Variants in RAB30 observed in about 807,000 individuals in gnomAD.
RAB30 encodes the protein ras-related protein Rab-30.
RAB30 carries 9 observed loss-of-function variants against 25.1 expected under a neutral mutation model. That is an observed-to-expected ratio of 0.36 (90% confidence interval 0.22 to 0.63). The LOEUF is 0.63. RAB30 is among the 20% of genes least tolerant of loss of function. The pLI, the probability that RAB30 is intolerant of heterozygous loss-of-function variation, is 0.69. For missense variants in RAB30, 140 were observed against 243.5 expected (o/e 0.58, Z 2.83); for synonymous variants, 77 against 86.4 (o/e 0.89, Z 0.60).
intron 1 of RAB30, among the ~76,000 whole-genome samples, chr11:83,022,164 G>T (rs1432419997): frequency 6.6e-6 from 1 of 151,576 alleles, no homozygotes; most frequent in East Asian, 2.0e-4. Context: ...GGGTGAAGGG[G>T]TGGGAGAGAT....
intron 2 of RAB30, 132 bp downstream of exon 2, chr11:82,997,092 G>A: frequency 1.4e-6 from 1 of 719,748 alleles, no homozygotes; most frequent in Middle Eastern, 2.9e-4. Flanking sequence ...CTTTCAAAGG[G>A]TGCATCAGGA....
intron 1 of RAB30, among the ~76,000 whole-genome samples, chr11:83,048,829 TCACC>T (rs1858289712): frequency 6.6e-6 from 1 of 152,188 alleles, no homozygotes; most frequent in African/African-American, 2.4e-5. Context: ...CCAAACAGCC[TCACC>T]CACCGTCTCT....
intron 1 of RAB30, among the ~76,000 whole-genome samples, chr11:83,036,111 A>G (rs1354293834): frequency 6.6e-6 from 1 of 152,144 alleles, no homozygotes; most frequent in Non-Finnish European, 1.5e-5. Context: ...AAAGCCCAGA[A>G]AGATAGCATA....
chr11:83,014,629 T>G (rs1417905526), intron 1 of RAB30, among the ~76,000 whole-genome samples: 2 of 37,468 alleles, frequency 5.3e-5, no homozygotes, highest in African/African-American at 1.1e-4. Context: ...AAGAAAGAAG[T>G]AAGAAAAAGA....
chr11:83,045,439 A>G (rs1282997892), intron 1 of RAB30, among the ~76,000 whole-genome samples: 1 of 152,142 alleles, frequency 6.6e-6, no homozygotes, highest in Non-Finnish European at 1.5e-5. Context: ...CTCTGTAAAC[A>G]TTTATTGAAC....
chr11:83,009,308 C>T (rs190142612), intron 1 of RAB30, among the ~76,000 whole-genome samples: 9 of 152,260 alleles, frequency 5.9e-5, no homozygotes, highest in South Asian at 2.1e-4. Flanking sequence ...TCAGGCAATC[C>T]GCCCGCCTCG....
At chr11:82,985,546 T>C (rs1856724128) in intron 4 of RAB30, among the ~76,000 whole-genome samples, 1 of 152,040 alleles carries the variant, frequency 6.6e-6, no homozygotes, top group Non-Finnish European at 1.5e-5. Context: ...GGAGGTGATA[T>C]CAAATGACAC....
chr11:83,009,991 TC>T (rs1857270519), intron 1 of RAB30, among the ~76,000 whole-genome samples: 1 of 152,214 alleles, frequency 6.6e-6, no homozygotes, highest in African/African-American at 2.4e-5. Flanking sequence ...GGTCTTGAAC[TC>T]CTGCCCTCAA....
intron 1 of RAB30, among the ~76,000 whole-genome samples, chr11:83,022,207 G>A (rs1183379299): frequency 1.3e-5 from 2 of 152,108 alleles, no homozygotes; most frequent in Non-Finnish European, 1.5e-5. Flanking sequence ...TGCTCAGGCT[G>A]GAATCCAGTA....
chr11:83,018,760 T>C (rs1857497671), intron 1 of RAB30, among the ~76,000 whole-genome samples: 1 of 152,234 alleles, frequency 6.6e-6, no homozygotes, highest in African/African-American at 2.4e-5. Context: ...CTATGAACTC[T>C]TTGCCTAAGC....
chr11:83,013,462 C>G (rs1393506087), intron 1 of RAB30, among the ~76,000 whole-genome samples: 1 of 152,158 alleles, frequency 6.6e-6, no homozygotes, highest in Non-Finnish European at 1.5e-5. Flanking sequence ...CCTGCAAATT[C>G]CTATCTGTAT....
At chr11:83,038,879 G>C (rs151125615) in intron 1 of RAB30, 1 of 151,050 alleles carries the variant, frequency 6.6e-6, no homozygotes, top group African/African-American at 2.4e-5. Flanking sequence ...TATTACTACA[G>C]ATCCATAACT....
rs189041437 is a variant in RAB30, at chr11:82,988,630, A to G, written c.178-860T>C. On this transcript the variant is annotated intron_variant, in intron 3 of 4. Coordinates refer to ENST00000527633, the MANE Select transcript of RAB30 (RefSeq NM_001286060.2). The stretch of plus-strand genomic sequence containing the variant: ...CAGTTCTAAGTCCTAATAACTAATA[A>G]TTCTAATAACAAAGAAGAAGACAAT... 9.4e-4 allele frequency among the ~76,000 whole-genome samples: 143 copies of G among 152,330 alleles called. 1 individual carries two copies. The highest frequency in any genetic ancestry group is 3.3e-3 in the African/African-American group (137 of 41,564).
intron 1 of RAB30, among the ~76,000 whole-genome samples, chr11:83,026,186 G>A (rs576586577): frequency 1.3e-3 from 192 of 151,894 alleles, no homozygotes; most frequent in Non-Finnish European, 3.2e-4. Flanking sequence ...GCAAGACCCT[G>A]TCTCAAAAAA....
intron 1 of RAB30, among the ~76,000 whole-genome samples, chr11:83,032,657 T>C (rs1262037725): frequency 6.6e-6 from 1 of 152,216 alleles, no homozygotes; most frequent in Non-Finnish European, 1.5e-5. Flanking sequence ...CTTTAAACTG[T>C]AAATATGTAT....
intron 1 of RAB30, among the ~76,000 whole-genome samples, chr11:83,063,591 C>A (rs1340099423): frequency 6.6e-6 from 1 of 152,160 alleles, no homozygotes; most frequent in Non-Finnish European, 1.5e-5. Flanking sequence ...CAAAAACCAG[C>A]AGGAACTCCG....
At chr11:83,016,013 C>A (rs1857428518) in intron 1 of RAB30, among the ~76,000 whole-genome samples, 1 of 151,124 alleles carries the variant, frequency 6.6e-6, no homozygotes, top group African/African-American at 2.5e-5. Flanking sequence ...TGGCACGTAT[C>A]TGTAGTCCCA....
intron 1 of RAB30, among the ~76,000 whole-genome samples, chr11:83,037,927 G>A (rs569974094): frequency 4.7e-4 from 71 of 152,176 alleles, no homozygotes; most frequent in African/African-American, 7.5e-4. Flanking sequence ...ACCAACGTGC[G>A]GAAGACAGAC....
chr11:82,986,041 G>A (rs927287361), intron 4 of RAB30, among the ~76,000 whole-genome samples: 4 of 152,036 alleles, frequency 2.6e-5, no homozygotes, highest in South Asian at 2.1e-4. Context: ...ATCATGAGTC[G>A]ATCAGGGAAA....
Sources: allele counts gnomAD v4.1 joint callset (sites outside exome capture counted in the v4.1 genomes callset), GRCh38; gene constraint gnomAD v4.1.1; transcripts MANE v1.5; gene names NCBI Gene and HGNC (gene_info 2026-07-23, HGNC 2026-07-21).